NFIC: variants seen among roughly 807,000 people sequenced by gnomAD.
NFIC encodes the protein nuclear factor 1 C-type.
In NFIC, 12 loss-of-function variants were observed where a neutral mutation model predicts 54.4. The observed-to-expected ratio is 0.22, with a 90% CI of 0.14 to 0.36. The LOEUF (loss-of-function observed/expected upper bound fraction) is 0.36. Ranked by LOEUF, NFIC falls within the 10% of genes least tolerant of loss-of-function variation. NFIC has a pLI of 1.00. For missense variants in NFIC, 575 were observed against 718.2 expected (o/e 0.80, Z 2.28); for synonymous variants, 322 against 319.2 (o/e 1.01, Z -0.09).
rs2082463380 is a variant in NFIC, at chr19:3,451,592, C to T, written c.1085-890C>T. Among the ~76,000 whole-genome samples, 3 of 151,152 alleles carry T rather than the reference C, an allele frequency of 2.0e-5. No homozygotes were observed. In the South Asian group the frequency reaches 6.3e-4, roughly 32 times the overall value. On this transcript the variant is annotated intron_variant, in intron 7 of 10. Transcript: ENST00000443272. ...GCTGTAGTGAGCCATGATCATGCCC[C>T]TGCACTCCAGCCTGGGTGACAAAGC...
intron 2 of NFIC, among the ~76,000 whole-genome samples, chr19:3,393,847 C>G (rs2081415177): frequency 6.8e-6 from 1 of 147,912 alleles, no homozygotes; most frequent in Admixed American, 6.8e-5. Context: ...AGAGTTCCAA[C>G]CACACATATA....
At chr19:3,394,311 T>C (rs1297063840) in intron 2 of NFIC, among the ~76,000 whole-genome samples, 1 of 151,682 alleles carries the variant, frequency 6.6e-6, no homozygotes, top group Non-Finnish European at 1.5e-5. Context: ...AGACCTTGTC[T>C]CTACAAAAAA....
rs150939677 is a variant in NFIC, at chr19:3,425,797, C to T, written c.634+620C>T. On this transcript the variant is annotated intron_variant, in intron 3 of 10. Coordinates refer to ENST00000443272, the MANE Select transcript of NFIC (RefSeq NM_001245002.2). The stretch of plus-strand genomic sequence containing the variant: ...TTAGAAACGGTCTCACGCTGCTGCC[C>T]AGGCTGGAGTGCAGTGACACCATCC... Among the ~76,000 whole-genome samples the T allele has an allele frequency of 3.2e-3, 487 of 151,914 alleles. 3 individuals are homozygous for T. Among genetic ancestry groups the T allele is most frequent in the South Asian group, 5.8e-3 (28 of 4,812 alleles).
intron 2 of NFIC, among the ~76,000 whole-genome samples, chr19:3,412,162 A>C (rs935240024): frequency 2.0e-5 from 3 of 152,234 alleles, no homozygotes; most frequent in Admixed American, 2.0e-4. Flanking sequence ...AGCTCACTGC[A>C]GCCTGGAGCT....
Position 3,370,218 on chromosome 19 carries a change from G to C in NFIC, c.30+3552G>C, listed in dbSNP as rs549950032. ...GAGGTGGCACAGTGGGGCTGGCAGA[G>C]CTGGGGTTCAGGCCATTTTCCATCT... On this transcript the variant is annotated intron_variant, in intron 1 of 10. Transcript: ENST00000443272. This position sits in a 1 kb window ranked among gnomAD's most constrained non-coding sequence, Gnocchi z 5.2. Among the ~76,000 whole-genome samples the C allele has an allele frequency of 2.9e-4, 44 of 152,264 alleles. 1 individual carries two copies. The South Asian group carries it at 8.3e-3, about 29-fold the overall frequency.
At chr19:3,373,621 C>CT (rs33966671) in intron 1 of NFIC, among the ~76,000 whole-genome samples, 9 of 111,680 alleles carry the variant, frequency 8.1e-5, no homozygotes, top group South Asian at 3.5e-4. Context: ...TCCTGGACCC[C>CT]CCCCCCAAGC....
At position 3,452,098 on chromosome 19, in the gene NFIC, T is replaced by A. The variant is rs1440626890; in HGVS notation, c.1085-384T>A. 8.8e-5 allele frequency among the ~76,000 whole-genome samples: 10 copies of A among 113,878 alleles called. No homozygotes were observed. In the East Asian group the frequency reaches 1.6e-3, roughly 18 times the overall value. The allele number at this position is 113,878 out of a possible 152,430, so 74.7% of individuals were successfully genotyped here. A position where few individuals can be genotyped will look rare whatever the true frequency, so the allele number is the denominator to read the frequency against. ...CACTGCACTCCAGCCTGGGTGACTG[T>A]CTCAAAAAAAAAAAAAAAAAAAAAA... On this transcript the variant is annotated intron_variant, in intron 7 of 10. Coordinates refer to ENST00000443272, the MANE Select transcript of NFIC (RefSeq NM_001245002.2). This position sits in a 1 kb window ranked among gnomAD's most constrained non-coding sequence, Gnocchi z 5.3.
At chr19:3,383,220 T>G (rs912801038) in intron 2 of NFIC, among the ~76,000 whole-genome samples, 2 of 152,090 alleles carry the variant, frequency 1.3e-5, no homozygotes, top group African/African-American at 4.8e-5. Context: ...AGCAGAGGCC[T>G]GATGAGCCTG....
chr19:3,389,842 G>C (rs2081351436), intron 2 of NFIC, among the ~76,000 whole-genome samples: 1 of 152,188 alleles, frequency 6.6e-6, no homozygotes, highest in African/African-American at 2.4e-5. Flanking sequence ...AAATTAGCCA[G>C]GCGTGGTGGT....
intron 1 of NFIC, among the ~76,000 whole-genome samples, chr19:3,380,197 G>A (rs1199473352): frequency 6.7e-6 from 1 of 149,274 alleles, no homozygotes; most frequent in South Asian, 2.1e-4. Context: ...GTAGAGACGG[G>A]GTTTCACTGT....
chr19:3,409,317 C>T (rs564944562), intron 2 of NFIC, among the ~76,000 whole-genome samples: 10 of 152,274 alleles, frequency 6.6e-5, no homozygotes, highest in South Asian at 2.1e-4. Flanking sequence ...CTCCTTCTCC[C>T]GCTGGAGAGC....
At position 3,452,399 on chromosome 19, in the gene NFIC, C is replaced by T. The variant is rs961490508; in HGVS notation, c.1085-83C>T. On this transcript the variant is annotated intron_variant, in intron 7 of 10. Transcript: ENST00000443272. The surrounding 1 kb of genome is among the most constrained non-coding windows in gnomAD (Gnocchi z 5.3). Reference sequence around the variant, plus strand: ...CGCACTGAGATGCCGGCAGGAATGACACCCACAGACACACAGTCACACGGT... The same window carrying T: ...CGCACTGAGATGCCGGCAGGAATGATACCCACAGACACACAGTCACACGGT... 6 of 1,526,284 alleles carry T rather than the reference C, an allele frequency of 3.9e-6. No individual in the cohort carries two copies. The highest frequency in any genetic ancestry group is 2.3e-5 in the East Asian group (1 of 43,640). 94.5% of individuals were successfully genotyped at this position (1,526,284 alleles called of 1,614,324 possible).
At position 3,434,181 on chromosome 19, in the gene NFIC, T is replaced by G. The variant is rs1315563085; in HGVS notation, c.710-96T>G. The G allele has an allele frequency of 9.4e-6, 14 of 1,496,964 alleles. 1 individual carries two copies. In the South Asian group the frequency reaches 1.9e-4, roughly 20 times the overall value. 92.7% of individuals were successfully genotyped at this position (1,496,964 alleles called of 1,614,324 possible). On this transcript the variant is annotated intron_variant, in intron 4 of 10. Coordinates refer to ENST00000443272, the MANE Select transcript of NFIC (RefSeq NM_001245002.2). ...GGCCAATATGGGAAGGGGGTCCCCC[T>G]TTGGACTGCACCCAGTGGCTTTCCC...
chr19:3,447,255 C>T (rs1201739739), intron 6 of NFIC, among the ~76,000 whole-genome samples: 3 of 149,998 alleles, frequency 2.0e-5, no homozygotes, highest in African/African-American at 7.4e-5. Flanking sequence ...GCCGAGATCA[C>T]GCCATTGCAC....
At chr19:3,367,387 G>C (rs565247432) in intron 1 of NFIC, among the ~76,000 whole-genome samples, 1 of 152,060 alleles carries the variant, frequency 6.6e-6, no homozygotes, top group South Asian at 2.1e-4. Context: ...AGCCGCCGCC[G>C]GGAGGAGCGG....
chr19:3,392,910 G>A lies in NFIC; in HGVS notation c.562+10667G>A, dbSNP rs554270383. On this transcript the variant is annotated intron_variant, in intron 2 of 10. Transcript: ENST00000443272. The stretch of plus-strand genomic sequence containing the variant: ...CCCGAGTTGCCCAGGAAGGGCCTTG[G>A]CTCTTGTCCCTTCTAAGTCCCATCT... Among the ~76,000 whole-genome samples, 4 of 152,350 alleles carry A rather than the reference G, an allele frequency of 2.6e-5. 1 individual carries two copies. Among genetic ancestry groups the A allele is most frequent in the African/African-American group, 9.6e-5 (4 of 41,584 alleles).
At chr19:3,423,538 G>C (rs79102155) in intron 2 of NFIC, among the ~76,000 whole-genome samples, 3 of 152,110 alleles carry the variant, frequency 2.0e-5, no homozygotes, top group African/African-American at 7.2e-5. Context: ...GGGGAGGGGC[G>C]TCTGCCTGGC....
rs1020157836 is a variant in NFIC at position 3,467,321 on chromosome 19, C to A, written c.*4552C>A. ...GTCCCCATTCCGTGGGGGCACCTGA[C>A]AATGACCCGGGTGGAGATGGGGCAT... is the stretch of plus-strand genomic sequence containing the variant. On this transcript the variant is annotated 3_prime_UTR_variant, in exon 11 of 11. Coordinates refer to ENST00000443272, the MANE Select transcript of NFIC (RefSeq NM_001245002.2). The A allele has an allele frequency of 6.6e-6, 1 of 150,526 alleles. No individual in the cohort carries two copies. The highest frequency in any genetic ancestry group is 2.5e-5 in the African/African-American group (1 of 40,784). The allele number at this position is 150,526 out of a possible 1,614,324, so 9.3% of individuals were successfully genotyped here.
At chr19:3,460,101 T>G (rs2082617897) in intron 10 of NFIC, among the ~76,000 whole-genome samples, 1 of 152,194 alleles carries the variant, frequency 6.6e-6, no homozygotes, top group South Asian at 2.1e-4. Flanking sequence ...TACAGCCCCA[T>G]GCAGAACTCC....
Sources: allele counts gnomAD v4.1 joint callset (sites outside exome capture counted in the v4.1 genomes callset), GRCh38; gene constraint gnomAD v4.1.1; non-coding constraint Gnocchi (gnomAD v3.1); transcripts MANE v1.5; gene names NCBI Gene and HGNC (gene_info 2026-07-23, HGNC 2026-07-21).